Variants in ITGA2 observed in about 807,000 individuals in gnomAD.
ITGA2 encodes integrin subunit alpha 2.
ITGA2 carries 101 observed loss-of-function variants against 146.3 expected under a neutral mutation model. The observed-to-expected ratio is 0.69, with a 90% CI of 0.59 to 0.81. The LOEUF (loss-of-function observed/expected upper bound fraction) is 0.81, where lower values mean the gene tolerates loss of function less well. ITGA2 is among the 40% of genes least tolerant of loss of function. ITGA2 has a pLI of 0.00. For missense variants in ITGA2, 1,281 were observed against 1,402.7 expected (o/e 0.91, Z 1.39); for synonymous variants, 477 against 487.1 (o/e 0.98, Z 0.27).
At chr5:53,008,943 C>T (rs557817616) in intron 1 of ITGA2, among the ~76,000 whole-genome samples, 1 of 152,212 alleles carries the variant, frequency 6.6e-6, no homozygotes, top group South Asian at 2.1e-4. Context: ...GCACAGCAGG[C>T]AGCACGAGTA....
At chr5:53,015,159 G>A (rs1579800629) in intron 1 of ITGA2, among the ~76,000 whole-genome samples, 1 of 152,162 alleles carries the variant, frequency 6.6e-6, no homozygotes, top group South Asian at 2.1e-4. Context: ...GTTTGTTCTT[G>A]TTGTTCTAGC....
chr5:53,069,961 G>C, intron 16 of ITGA2, 148 bp from the exon 17 acceptor site: 1 of 653,182 alleles, frequency 1.5e-6, no homozygotes, highest in Non-Finnish European at 2.8e-6. Flanking sequence ...TGTGGTGCTA[G>C]CTATGGTTCA....
chr5:53,067,224 A>C lies in ITGA2; in HGVS notation c.2050A>C (p.Lys684Gln), dbSNP rs1745190679. Residue 684 changes from lysine to glutamine, a missense_variant, in exon 16 of 30, where the codon AAG (lysine) becomes CAG (glutamine). Transcript: ENST00000296585. Reference sequence around the variant, plus strand: ...AATTCTCAAACTCTGCTTCAGTGCAAAGTTCAGACCTACTAAGCAAAACAA... The same window carrying C: ...AATTCTCAAACTCTGCTTCAGTGCACAGTTCAGACCTACTAAGCAAAACAA... ...QIILKLCFSAKFRPTKQNNQV... is the reference protein window; with the variant it reads ...QIILKLCFSAQFRPTKQNNQV... 3 of 1,611,592 alleles carry C rather than the reference A, an allele frequency of 1.9e-6. No individual in the cohort carries two copies. In the African/African-American group the frequency reaches 4.0e-5, roughly 22 times the overall value.
intron 2 of ITGA2, among the ~76,000 whole-genome samples, chr5:53,027,984 G>C (rs1743034192): frequency 2.0e-5 from 3 of 152,068 alleles, no homozygotes; most frequent in Admixed American, 2.0e-4. Context: ...AGGAAGCCGA[G>C]CTGGGAGGTT....
intron 19 of ITGA2, 119 bp downstream of exon 19, chr5:53,072,814 A>G: frequency 2.4e-6 from 2 of 850,182 alleles, no homozygotes; most frequent in Non-Finnish European, 1.9e-6. Context: ...ACTCATAAAT[A>G]CCTTTAAAAA....
chr5:53,083,492 A>C, intron 27 of ITGA2, 39 bp downstream of exon 27: 1 of 1,209,318 alleles, frequency 8.3e-7, no homozygotes, highest in Non-Finnish European at 1.2e-6. Flanking sequence ...ATCAATAGCA[A>C]GGAAACATAA....
At chr5:53,024,804 C>T (rs1482492385) in intron 1 of ITGA2, among the ~76,000 whole-genome samples, 2 of 152,010 alleles carry the variant, frequency 1.3e-5, no homozygotes, top group Non-Finnish European at 2.9e-5. Flanking sequence ...CGAGAGTGGT[C>T]GGAAGTGAAG....
At position 53,067,197 on chromosome 5, in the gene ITGA2, A is replaced by G. The variant is rs766733667; in HGVS notation, c.2023A>G (p.Ile675Val). The stretch of plus-strand genomic sequence containing the variant: ...CACTTTGGTCAACAAGAATGCTCAG[A>G]TAATTCTCAAACTCTGCTTCAGTGC... ...KITLVNKNAQ[I>V]ILKLCFSAKF... The change falls in exon 16 of 30, where the codon ATA (isoleucine) becomes GTA (valine). Residue 675 changes from isoleucine (I) to valine (V), a missense_variant. Ile to Val is a conservative substitution (Grantham distance 29). Transcript: ENST00000296585. 6 of 1,611,676 alleles carry G rather than the reference A, an allele frequency of 3.7e-6. No individual in the cohort carries two copies. The highest frequency in any genetic ancestry group is 5.1e-6 in the Non-Finnish European group (6 of 1,178,798).
chr5:52,998,413 C>T (rs978759454), intron 1 of ITGA2, among the ~76,000 whole-genome samples: 4 of 152,098 alleles, frequency 2.6e-5, no homozygotes, highest in African/African-American at 9.7e-5. Flanking sequence ...AAGATTGGTG[C>T]CACTGCACTT....
chr5:53,084,205 A>G (rs1442955402), intron 27 of ITGA2, among the ~76,000 whole-genome samples: 1 of 152,186 alleles, frequency 6.6e-6, no homozygotes, highest in Non-Finnish European at 1.5e-5. Context: ...TGTGGCTAGC[A>G]TTCCTTTTAC....
chr5:53,074,616 A>C, intron 21 of ITGA2, 139 bp downstream of exon 21: 1 of 719,708 alleles, frequency 1.4e-6, no homozygotes, highest in South Asian at 1.5e-5. Flanking sequence ...AGTTTTCAAT[A>C]TCTAAATGTT....
At position 53,027,152 on chromosome 5, in the gene ITGA2, T is replaced by TGATA. The variant is rs3212422; in HGVS notation, c.185+287_185+290dup. ...ACCATTAATACATAGGTAGGTAGAT[T>TGATA]GATAGAATGATAGATTTGTCTTCAT... On this transcript the variant is annotated intron_variant, in intron 2 of 29. Transcript: ENST00000296585. 0.19 allele frequency among the ~76,000 whole-genome samples: 28,499 copies of TGATA among 152,050 alleles called. 2,801 individuals carry two copies. Among genetic ancestry groups the TGATA allele is most frequent in the African/African-American group, 0.25 (10,254 of 41,464 alleles).
At chr5:53,025,233 T>C (rs1012167185) in intron 1 of ITGA2, among the ~76,000 whole-genome samples, 18 of 152,224 alleles carry the variant, frequency 1.2e-4, no homozygotes, top group African/African-American at 4.3e-4. Context: ...AAACACCAGG[T>C]ATTTTGCATG....
chr5:53,048,215 C>T (rs560787965), intron 4 of ITGA2, 148 bp from the exon 5 acceptor site: 39 of 713,610 alleles, frequency 5.5e-5, no homozygotes, highest in Non-Finnish European at 8.2e-5. Context: ...CTGCTTTCCC[C>T]GAAGGCATTA....
chr5:53,022,910 T>C lies in ITGA2; in HGVS notation c.65-3838T>C, dbSNP rs186291633. On this transcript the variant is annotated intron_variant, in intron 1 of 29. Transcript: ENST00000296585. ...TATTAAAATGGCAACCAGCCTGTTA[T>C]AATCTAGGATGAAACAGTATCCCCT... Among the ~76,000 whole-genome samples, 302 of 152,330 alleles carry C rather than the reference T, an allele frequency of 2.0e-3. 3 individuals are homozygous for C. The highest frequency in any genetic ancestry group is 3.0e-3 in the Admixed American group (46 of 15,292).
At chr5:53,023,296 T>A (rs1742777432) in intron 1 of ITGA2, among the ~76,000 whole-genome samples, 3 of 152,228 alleles carry the variant, frequency 2.0e-5, no homozygotes, top group Admixed American at 2.0e-4. Context: ...TCACACCCTA[T>A]GCCTACGTTT....
intron 14 of ITGA2, 94 bp downstream of exon 14, chr5:53,065,209 T>C (rs1745091840): frequency 8.0e-7 from 1 of 1,251,432 alleles, no homozygotes; most frequent in South Asian, 1.2e-5. Context: ...TCCGTCCGCC[T>C]TATTTTGTAA....
rs75464918 is a variant in ITGA2 at position 53,043,715 on chromosome 5, G to A, written c.296-1286G>A. Among the ~76,000 whole-genome samples, 468 of 152,254 alleles carry A rather than the reference G, an allele frequency of 3.1e-3. 2 individuals are homozygous for A. In the East Asian group the frequency reaches 0.041, roughly 13 times the overall value. On this transcript the variant is annotated intron_variant, in intron 3 of 29. Coordinates refer to ENST00000296585, the MANE Select transcript of ITGA2 (RefSeq NM_002203.4). Reference sequence around the variant, plus strand: ...TGATACTTTTTGTAGGGAACATGGAGGCAGCAGTAAAAAGGGATGATTTGT... The same window carrying A: ...TGATACTTTTTGTAGGGAACATGGAAGCAGCAGTAAAAAGGGATGATTTGT...
chr5:53,062,691 T>A (rs1002867785), intron 12 of ITGA2, 95 bp from the exon 13 acceptor site: 2 of 1,357,002 alleles, frequency 1.5e-6, no homozygotes, highest in Non-Finnish European at 2.1e-6. Flanking sequence ...AAACACTCAA[T>A]TTTTGTGTAT....
Sources: gnomAD v4.1 joint callset for allele counts (sites outside exome capture counted in the v4.1 genomes callset) on GRCh38, gnomAD v4.1.1 for gene constraint, MANE v1.5 for transcripts, NCBI Gene and HGNC (gene_info 2026-07-23, HGNC 2026-07-21) for gene names.